KLHL20: variants seen among roughly 807,000 people sequenced by gnomAD.
The protein encoded by KLHL20 is kelch like family member 20.
Under a neutral mutation model 69.5 loss-of-function variants are expected in KLHL20, and 29 were observed. That is an observed-to-expected ratio of 0.42 (90% CI 0.31 to 0.57). KLHL20 has a LOEUF of 0.57. KLHL20 is among the 20% of genes least tolerant of loss of function. KLHL20 has a pLI of 0.18. For missense variants in KLHL20, 419 were observed against 776.0 expected (o/e 0.54, Z 5.47); for synonymous variants, 253 against 265.2 (o/e 0.95, Z 0.45).
intron 3 of KLHL20, among the ~76,000 whole-genome samples, chr1:173,739,909 G>A (rs1210150732): frequency 6.6e-6 from 1 of 151,986 alleles, no homozygotes; most frequent in African/African-American, 2.4e-5. Context: ...CCAAAGTGTT[G>A]GGATTACAGG....
intron 7 of KLHL20, among the ~76,000 whole-genome samples, chr1:173,762,678 A>G (rs1647384396): frequency 6.6e-6 from 1 of 152,256 alleles, no homozygotes; most frequent in South Asian, 2.1e-4. Context: ...GACAAAACCC[A>G]GCATCACTTT....
intron 10 of KLHL20, among the ~76,000 whole-genome samples, chr1:173,779,271 T>C (rs1439081197): frequency 6.6e-6 from 1 of 152,140 alleles, no homozygotes; most frequent in Non-Finnish European, 1.5e-5. Context: ...GAATTTCTTT[T>C]GATTATTTTT....
intron 8 of KLHL20, among the ~76,000 whole-genome samples, chr1:173,768,639 C>G (rs553504451): frequency 2.6e-5 from 4 of 152,080 alleles, no homozygotes; most frequent in Non-Finnish European, 5.9e-5. Context: ...GATAGCAAAG[C>G]TAAAAACCTA....
chr1:173,769,560 G>C (rs61827861), intron 8 of KLHL20, among the ~76,000 whole-genome samples: 34,716 of 152,032 alleles, frequency 0.23, 4,430 homozygotes, highest in Middle Eastern at 0.39. Context: ...AGGCCTAGGT[G>C]GGAGGATTGC....
chr1:173,737,346 T>C (rs1389991160), intron 3 of KLHL20, among the ~76,000 whole-genome samples: 6 of 152,250 alleles, frequency 3.9e-5, no homozygotes, highest in African/African-American at 1.4e-4. Context: ...AGAATTTTTA[T>C]GGTTTCATGT....
In KLHL20 at chr1:173,785,674, A is replaced by G. The variant is rs975857864; in HGVS notation, c.*427A>G. 2 of 152,176 alleles carry G rather than the reference A, an allele frequency of 1.3e-5. No homozygotes were observed. Among genetic ancestry groups the G allele is most frequent in the African/African-American group, 4.8e-5 (2 of 41,428 alleles). The allele number at this position is 152,176 out of a possible 1,614,324, so 9.4% of individuals were successfully genotyped here. ...GATTCCACTAACAAGGATTACCAGG[A>G]ATAAAGGTAGGTATGCAAAATGTAT... On this transcript the variant is annotated 3_prime_UTR_variant, in exon 12 of 12. Coordinates refer to ENST00000209884, the MANE Select transcript of KLHL20 (RefSeq NM_014458.4).
intron 6 of KLHL20, among the ~76,000 whole-genome samples, chr1:173,756,738 A>G (rs925253971): frequency 5.3e-5 from 8 of 152,188 alleles, no homozygotes; most frequent in Non-Finnish European, 7.4e-5. Flanking sequence ...TCATAATCCT[A>G]TGTGAATTGG....
At chr1:173,773,796 G>A (rs1469364259) in intron 8 of KLHL20, among the ~76,000 whole-genome samples, 1 of 152,024 alleles carries the variant, frequency 6.6e-6, no homozygotes, top group East Asian at 1.9e-4. Flanking sequence ...GGCAGATCAC[G>A]AGGTCAGGAG....
At chr1:173,744,130 G>A (rs1308723255) in intron 3 of KLHL20, among the ~76,000 whole-genome samples, 1 of 152,074 alleles carries the variant, frequency 6.6e-6, no homozygotes, top group Non-Finnish European at 1.5e-5. Context: ...GAGGATAAAT[G>A]TTTGTCCACA....
At chr1:173,747,043 G>A (rs1204267933) in intron 3 of KLHL20, among the ~76,000 whole-genome samples, 4 of 151,556 alleles carry the variant, frequency 2.6e-5, no homozygotes, top group Admixed American at 2.6e-4. Flanking sequence ...TTAATTGCTA[G>A]TTTTAGTGCA....
intron 8 of KLHL20, among the ~76,000 whole-genome samples, chr1:173,768,459 A>AAC (rs1187221085): frequency 7.9e-5 from 12 of 152,246 alleles, no homozygotes; most frequent in Non-Finnish European, 1.6e-4. Context: ...AACTGTTGTA[A>AAC]GTAGAGATAA....
rs767045956 is a variant in KLHL20 at position 173,753,308 on chromosome 1, G to A, written c.851+1G>A. The A allele has an allele frequency of 1.2e-6, 2 of 1,610,396 alleles. No individual in the cohort carries two copies. Among genetic ancestry groups the A allele is most frequent in the South Asian group, 2.2e-5 (2 of 90,990 alleles). Reference sequence around the variant, plus strand: ...TCATCAAAAGTGATGAAGAATGCAGGTATGAGTGACCCTGGATGGGAAAAA... The same window carrying A: ...TCATCAAAAGTGATGAAGAATGCAGATATGAGTGACCCTGGATGGGAAAAA... On this transcript the variant is annotated splice_donor_variant, in intron 5 of 11. Coordinates refer to ENST00000209884, the MANE Select transcript of KLHL20 (RefSeq NM_014458.4). LOFTEE classifies it high-confidence loss of function.
chr1:173,778,105 G>A (rs949073440), intron 10 of KLHL20, among the ~76,000 whole-genome samples: 6 of 151,740 alleles, frequency 4.0e-5, no homozygotes, highest in Admixed American at 3.9e-4. Flanking sequence ...TAGGGTACAT[G>A]TGCACAAAGT....
At chr1:173,751,261 C>G (rs972403352) in intron 3 of KLHL20, among the ~76,000 whole-genome samples, 3 of 152,144 alleles carry the variant, frequency 2.0e-5, no homozygotes, top group Non-Finnish European at 2.9e-5. Flanking sequence ...TTCTCACTAG[C>G]ATATATATTA....
chr1:173,730,367 T>C (rs1241254227), intron 2 of KLHL20, among the ~76,000 whole-genome samples: 1 of 151,986 alleles, frequency 6.6e-6, no homozygotes, highest in Non-Finnish European at 1.5e-5. Flanking sequence ...TGGAAAAAAC[T>C]ACTTTAAAGT....
Position 173,733,757 on chromosome 1 carries a change from G to A in KLHL20, c.68G>A (p.Ser23Asn). Residue 23 changes from serine (S) to asparagine (N), a missense_variant, in exon 3 of 12, where the codon AGC becomes AAC. Around this residue, in one of 6 missense-constraint regions of KLHL20, gnomAD observed 129 missense variants for 183.6 expected, o/e 0.70. Coordinates refer to ENST00000209884, the MANE Select transcript of KLHL20 (RefSeq NM_014458.4). ...RPGETGMDVT[S>N]RCTLGDPNKL... ...GGAGAGACTGGAATGGATGTAACAAGCCGCTGCACCCTTGGAGACCCCAAC... is the reference window on the plus strand; with the variant it reads ...GGAGAGACTGGAATGGATGTAACAAACCGCTGCACCCTTGGAGACCCCAAC... The A allele has an allele frequency of 6.2e-7, 1 of 1,614,090 alleles. No individual in the cohort carries two copies. Among genetic ancestry groups the A allele is most frequent in the South Asian group, 1.1e-5 (1 of 91,080 alleles).
chr1:173,730,084 CAG>C (rs1240840136), intron 2 of KLHL20, among the ~76,000 whole-genome samples: 4 of 151,670 alleles, frequency 2.6e-5, no homozygotes, highest in South Asian at 2.1e-4. Context: ...AACAGACAAA[CAG>C]AGAGCCAAAT....
At chr1:173,717,508 A>G (rs1671524635) in intron 2 of KLHL20, among the ~76,000 whole-genome samples, 1 of 152,142 alleles carries the variant, frequency 6.6e-6, no homozygotes, top group African/African-American at 2.4e-5. Flanking sequence ...TCATGGTCAC[A>G]CTTCCCTATC....
At chr1:173,739,853 CT>C (rs1227029137) in intron 3 of KLHL20, among the ~76,000 whole-genome samples, 1 of 150,968 alleles carries the variant, frequency 6.6e-6, no homozygotes, top group Non-Finnish European at 1.5e-5. Flanking sequence ...GTTGGGCAGG[CT>C]AGTCTCGAAC....
Sources: gnomAD v4.1 joint callset for allele counts (sites outside exome capture counted in the v4.1 genomes callset) on GRCh38, gnomAD v4.1.1 for gene constraint, gnomAD v4.1.1 regional missense constraint, MANE v1.5 for transcripts, NCBI Gene and HGNC (gene_info 2026-07-23, HGNC 2026-07-21) for gene names.